The following COL21A1 variants were observed in gnomAD, a reference collection of about 807,000 sequenced individuals.
COL21A1 encodes collagen alpha-1(XXI) chain.
Under a neutral mutation model 137.9 loss-of-function variants are expected in COL21A1, and 149 were observed. The observed-to-expected ratio is 1.08, with a 90% confidence interval of 0.95 to 1.24. COL21A1 has a LOEUF of 1.24. Ranked by LOEUF, COL21A1 falls within the 50% of genes most tolerant of loss-of-function variation. The pLI is 0.00. For synonymous variants in COL21A1, 456 were observed against 391.5 expected, an observed-to-expected ratio of 1.16 and a Z score of -1.95; for missense variants, 1,167 against 1,158.4, an observed-to-expected ratio of 1.01 and a Z score of -0.11.
At chr6:56,125,414 T>C in intron 14 of COL21A1, 153 bp downstream of exon 14, 1 of 470,626 alleles carries the variant, frequency 2.1e-6, no homozygotes. Flanking sequence ...CTTTTTTTCT[T>C]TTTTTTCTTT....
At chr6:56,120,528 G>C (rs1002306496) in intron 16 of COL21A1, among the ~76,000 whole-genome samples, 1 of 152,180 alleles carries the variant, frequency 6.6e-6, no homozygotes, top group Non-Finnish European at 1.5e-5. Flanking sequence ...AGGCGCAGTG[G>C]CTCATGCCTG....
At chr6:56,265,150 C>T (rs561777287) in intron 1 of COL21A1, among the ~76,000 whole-genome samples, 15 of 152,190 alleles carry the variant, frequency 9.9e-5, no homozygotes, top group Non-Finnish European at 1.8e-4. Flanking sequence ...GGGCTGGAAG[C>T]GGAAGTCTTC....
intron 1 of COL21A1, among the ~76,000 whole-genome samples, chr6:56,288,152 C>T (rs150555172): frequency 6.6e-6 from 1 of 151,878 alleles, no homozygotes; most frequent in African/African-American, 2.4e-5. Context: ...CCCGTACAAA[C>T]ATTCATGCAG....
At chr6:56,258,308 C>T (rs1333158263) in intron 1 of COL21A1, among the ~76,000 whole-genome samples, 1 of 152,126 alleles carries the variant, frequency 6.6e-6, no homozygotes, top group African/African-American at 2.4e-5. Flanking sequence ...AAGTCAGAGT[C>T]TGCCCTGTGC....
chr6:56,289,058 A>T (rs1763979105), intron 1 of COL21A1, among the ~76,000 whole-genome samples: 3 of 152,216 alleles, frequency 2.0e-5, no homozygotes, highest in Admixed American at 2.0e-4. Flanking sequence ...AAATGGAGAC[A>T]AATTTTCCCC....
intron 12 of COL21A1, among the ~76,000 whole-genome samples, chr6:56,128,641 A>G (rs988762015): frequency 2.0e-5 from 3 of 151,988 alleles, no homozygotes; most frequent in African/African-American, 7.2e-5. Flanking sequence ...ACTATCACCA[A>G]TTCCCATTGT....
chr6:56,279,087 T>C (rs906269562), intron 1 of COL21A1, among the ~76,000 whole-genome samples: 1 of 152,176 alleles, frequency 6.6e-6, no homozygotes, highest in Non-Finnish European at 1.5e-5. Context: ...ATGTTTCTCA[T>C]GAATGGTTTA....
chr6:56,087,645 G>C (rs995868330), intron 17 of COL21A1, among the ~76,000 whole-genome samples: 1 of 152,100 alleles, frequency 6.6e-6, no homozygotes, highest in Non-Finnish European at 1.5e-5. Context: ...CAAGGCTTGG[G>C]AGTTAACAGC....
At chr6:56,338,488 G>A (rs1018357449) in intron 1 of COL21A1, among the ~76,000 whole-genome samples, 7 of 152,088 alleles carry the variant, frequency 4.6e-5, no homozygotes, top group African/African-American at 1.7e-4. Flanking sequence ...CTACCCCTCA[G>A]CATCTTGCTT....
At chr6:56,230,682 T>C (rs1462137536) in intron 1 of COL21A1, among the ~76,000 whole-genome samples, 2 of 151,894 alleles carry the variant, frequency 1.3e-5, no homozygotes, top group Admixed American at 6.6e-5. Context: ...AAAATACCTT[T>C]TGTATGAGTA....
At chr6:56,116,416 A>AC (rs1771935376) in intron 16 of COL21A1, among the ~76,000 whole-genome samples, 1 of 150,876 alleles carries the variant, frequency 6.6e-6, no homozygotes, top group Non-Finnish European at 1.5e-5. Flanking sequence ...AAAAAAAAAA[A>AC]AAAAAAAACT....
intron 1 of COL21A1, among the ~76,000 whole-genome samples, chr6:56,205,206 T>C (rs1182340394): frequency 1.3e-5 from 2 of 152,128 alleles, no homozygotes; most frequent in African/African-American, 4.8e-5. Flanking sequence ...GAGCATGTTC[T>C]AACCCAAAGC....
chr6:56,389,881 A>C (rs546412654), intron 1 of COL21A1, among the ~76,000 whole-genome samples: 1 of 152,308 alleles, frequency 6.6e-6, no homozygotes, highest in African/African-American at 2.4e-5. Flanking sequence ...GACAAACAAA[A>C]GTTGAGGGAT....
At chr6:56,134,417 G>A (rs1433924570) in intron 12 of COL21A1, among the ~76,000 whole-genome samples, 3 of 152,102 alleles carry the variant, frequency 2.0e-5, no homozygotes, top group Non-Finnish European at 2.9e-5. Flanking sequence ...TAATTAAGTT[G>A]CTTTTGATTT....
chr6:56,067,393 A>T, intron 22 of COL21A1, 63 bp from the exon 23 acceptor site: 1 of 1,460,536 alleles, frequency 6.8e-7, no homozygotes, highest in Non-Finnish European at 9.5e-7. Flanking sequence ...TCAAATAAAC[A>T]TATATTTTTC....
intron 1 of COL21A1, among the ~76,000 whole-genome samples, chr6:56,302,415 G>A (rs76802340): frequency 0.76 from 114,679 of 151,034 alleles, 45,325 homozygotes; most frequent in South Asian, 0.89. Context: ...TTTAATGATC[G>A]CCATTCTAAC....
At chr6:56,127,417 A>T (rs1773134366) in intron 12 of COL21A1, among the ~76,000 whole-genome samples, 1 of 151,972 alleles carries the variant, frequency 6.6e-6, no homozygotes, top group African/African-American at 2.4e-5. Flanking sequence ...GATTGTATTC[A>T]TTTGCATTGA....
At chr6:56,245,371 A>G (rs564410327) in intron 1 of COL21A1, among the ~76,000 whole-genome samples, 2 of 152,342 alleles carry the variant, frequency 1.3e-5, no homozygotes, top group Admixed American at 6.5e-5. Flanking sequence ...CTTTTTCCAG[A>G]AAGTTCCATA....
intron 28 of COL21A1, among the ~76,000 whole-genome samples, chr6:56,059,739 T>C (rs1251126768): frequency 6.6e-6 from 1 of 152,180 alleles, no homozygotes; most frequent in Admixed American, 6.5e-5. Context: ...TGATTTTCTA[T>C]TTAAAAACTT....
Sources: gnomAD v4.1 joint callset for allele counts (sites outside exome capture counted in the v4.1 genomes callset) on GRCh38, gnomAD v4.1.1 for gene constraint, MANE v1.5 for transcripts, NCBI Gene and HGNC (gene_info 2026-07-23, HGNC 2026-07-21) for gene names.